Variants in FAM186A observed in about 807,000 individuals in gnomAD.
FAM186A encodes the protein protein FAM186A.
FAM186A carries 163 observed loss-of-function variants against 216.8 expected under a neutral mutation model. That is an observed-to-expected ratio of 0.75 (90% CI 0.66 to 0.86). The LOEUF (loss-of-function observed/expected upper bound fraction) is 0.86, where lower values mean the gene tolerates loss of function less well. FAM186A is among the 40% of genes least tolerant of loss of function. The pLI, the probability that FAM186A is intolerant of heterozygous loss-of-function variation, is 0.00. For synonymous variants in FAM186A, 805 were observed against 1,025.3 expected (o/e 0.79, Z 4.10); for missense variants, 2,184 against 2,746.2 (o/e 0.80, Z 4.58).
In FAM186A at chr12:50,363,345, C is replaced by T; in HGVS notation, c.212G>A (p.Ser71Asn). 6.4e-7 allele frequency: 1 copy of T among 1,550,566 alleles called. No homozygotes were observed. ...CCGATGCACATTGTTCATTATTTCA[C>T]TCAGCTGCATATCAATGTCCTGTCA... Reference protein sequence around the residue: ...RAREDIDMQLSEIMNNVHRIM... With the variant: ...RAREDIDMQLNEIMNNVHRIM... The change falls in exon 2 of 8, where the codon AGT becomes AAT. Residue 71 changes from serine to asparagine, a missense_variant. Transcript: ENST00000327337.
intron 4 of FAM186A, 76 bp from the exon 5 acceptor site, chr12:50,334,179 T>C (rs1942684996): frequency 1.5e-6 from 2 of 1,300,128 alleles, no homozygotes; most frequent in African/African-American, 1.5e-5. Context: ...CAGTTTCTTT[T>C]TTTTTTTTGA....
chr12:50,380,399 G>T (rs1943242694), intron 1 of FAM186A, among the ~76,000 whole-genome samples: 1 of 151,594 alleles, frequency 6.6e-6, no homozygotes, highest in African/African-American at 2.4e-5. Context: ...GTGTTGTTCG[G>T]GTGCGGTGGC....
intron 7 of FAM186A, among the ~76,000 whole-genome samples, chr12:50,329,899 C>T (rs1942640166): frequency 6.6e-6 from 1 of 152,148 alleles, no homozygotes; most frequent in South Asian, 2.1e-4. Context: ...CCTGGCCTAA[C>T]ACTACTTCTT....
chr12:50,344,437 G>C (rs1381331919), intron 4 of FAM186A, among the ~76,000 whole-genome samples: 1 of 152,234 alleles, frequency 6.6e-6, no homozygotes, highest in Admixed American at 6.6e-5. Context: ...TGCTGCAAAG[G>C]ACATGATTTT....
Position 50,355,552 on chromosome 12 carries a change from G to A in FAM186A, c.1280C>T (p.Ser427Phe). 6.4e-7 allele frequency: 1 copy of A among 1,551,566 alleles called. No homozygotes were observed. Among genetic ancestry groups the A allele is most frequent in the Non-Finnish European group, 8.7e-7 (1 of 1,146,970 alleles). Residue 427 changes from serine to phenylalanine, a missense_variant, in exon 4 of 8, where the codon TCT (serine) becomes TTT (phenylalanine). Ser to Phe is a radical substitution (Grantham distance 155). Coordinates refer to ENST00000327337, the MANE Select transcript of FAM186A (RefSeq NM_001145475.3). ...LTELRQQPVA[S>F]EDISEDSTKD... is the part of the protein sequence containing the mutation. ...AGTGCTGTCTTCGGAAATATCTTCA[G>A]AAGCAACAGGTTGCTGTCGTAGTTC...
Position 50,354,905 on chromosome 12 carries a change from GT to G in FAM186A, c.1926del (p.Leu643SerfsTer15). The G allele has an allele frequency of 1.3e-6, 2 of 1,550,678 alleles. No individual in the cohort carries two copies. Among genetic ancestry groups the G allele is most frequent in the Non-Finnish European group, 1.7e-6 (2 of 1,146,876 alleles). On this transcript the variant is annotated frameshift_variant, in exon 4 of 8. Coordinates refer to ENST00000327337, the MANE Select transcript of FAM186A (RefSeq NM_001145475.3). LOFTEE classifies it high-confidence loss of function. The part of the protein sequence containing the change: ...KQVKSHQLVK[S>X]LSRVAKETSE... ...GAAGTCTCTTTAGCCACTCTTGAGAGTGATTTAACAAGTTGATGAGACTTGA... is the reference window on the plus strand; with the variant it reads ...GAAGTCTCTTTAGCCACTCTTGAGAGGATTTAACAAGTTGATGAGACTTGA...
chr12:50,357,934 C>T (rs1230645279), intron 3 of FAM186A, among the ~76,000 whole-genome samples: 3 of 151,678 alleles, frequency 2.0e-5, no homozygotes, highest in African/African-American at 4.9e-5. Flanking sequence ...GTCGAGATCA[C>T]GCCACTGCAC....
intron 3 of FAM186A, among the ~76,000 whole-genome samples, chr12:50,360,240 T>C (rs2136096343): frequency 3.1e-5 from 1 of 32,644 alleles, no homozygotes; most frequent in East Asian, 9.7e-4. Context: ...TGATACCCTG[T>C]CTCAAAAAAA....
Position 50,331,654 on chromosome 12 carries a change from T to C in FAM186A, c.6848+16A>G. The C allele has an allele frequency of 6.6e-7, 1 of 1,526,388 alleles. No homozygotes were observed. Among genetic ancestry groups the C allele is most frequent in the Non-Finnish European group, 8.8e-7 (1 of 1,141,322 alleles). The allele number at this position is 1,526,388 out of a possible 1,614,324, so 94.6% of individuals were successfully genotyped here. On this transcript the variant is annotated intron_variant, in intron 6 of 7. Transcript: ENST00000327337. ...CATATCGTCCAAAGTTTAATATCAG[T>C]CTTTCTAGCACATACCTAAATTTCT...
rs1942907403 is a variant in FAM186A at position 50,352,558 on chromosome 12, G to A, written c.4274C>T (p.Pro1425Leu). Residue 1425 changes from proline (P) to leucine (L), a missense_variant, in exon 4 of 8, where the codon CCT becomes CTT. Transcript: ENST00000327337. ...GATCTCCTGAGCCTGTGCCTGCTGA[G>A]GGGTGAAAGGGATCCCCAATTCCTG... Reference protein sequence around the residue: ...QAQELGIPFTPQQAQAQEITL... With the variant: ...QAQELGIPFTLQQAQAQEITL... 2.1e-5 allele frequency: 31 copies of A among 1,483,112 alleles called. No individual in the cohort carries two copies. Among genetic ancestry groups the A allele is most frequent in the Non-Finnish European group, 2.8e-5 (31 of 1,106,978 alleles). 91.9% of individuals were successfully genotyped at this position (1,483,112 alleles called of 1,614,324 possible). A position where few individuals can be genotyped will look rare whatever the true frequency, so the allele number is the denominator to read the frequency against.
Position 50,396,295 on chromosome 12 carries a change from C to T in FAM186A, c.190G>A (p.Glu64Lys). 2.0e-6 allele frequency: 3 copies of T among 1,531,172 alleles called. No homozygotes were observed. The highest frequency in any genetic ancestry group is 1.4e-5 in the African/African-American group (1 of 72,490). The allele number at this position is 1,531,172 out of a possible 1,614,324, so 94.8% of individuals were successfully genotyped here. ...TAAACTTCAGATTCACTACCTACCTCTCTGGCTCGATGGAGCTGTGCGCGC... is the reference window on the plus strand; with the variant it reads ...TAAACTTCAGATTCACTACCTACCTTTCTGGCTCGATGGAGCTGTGCGCGC... ...IERAQLHRAREDIDMQLSEIM... is the reference protein window; with the variant it reads ...IERAQLHRARKDIDMQLSEIM... Residue 64 changes from glutamate to lysine, a missense_variant and splice_region_variant, in exon 1 of 8, where the codon GAG (glutamate) becomes AAG (lysine). Transcript: ENST00000327337.
chr12:50,327,492 G>A, intron 7 of FAM186A, 88 bp from the exon 8 acceptor site: 1 of 926,392 alleles, frequency 1.1e-6, no homozygotes, highest in Non-Finnish European at 1.6e-6. Flanking sequence ...GAAAATAAAA[G>A]TGCCTCCAGA....
Position 50,352,208 on chromosome 12 carries a change from G to A in FAM186A, c.4624C>T (p.Pro1542Ser), listed in dbSNP as rs771244670. The change falls in exon 4 of 8, where the codon CCT (proline) becomes TCT (serine). Residue 1542 changes from proline (P) to serine (S), a missense_variant. By Grantham distance (74) the Pro-to-Ser change is moderately conservative. Around this residue, in one of 7 missense-constraint regions of FAM186A, gnomAD observed 19 missense variants for 22.4 expected, o/e 0.85. Transcript: ENST00000327337. ...GCCTGGACCTGCTGAGGGGTGAGAG[G>A]GATCCCCAATTCCTGAGCCTGCGGA... ...IPPQAQELGIPLTPQQVQALG... is the reference protein window; with the variant it reads ...IPPQAQELGISLTPQQVQALG... 4.8e-4 allele frequency: 731 copies of A among 1,513,864 alleles called. 11 individuals are homozygous for A. Among genetic ancestry groups the A allele is most frequent in the Middle Eastern group, 1.2e-3 (7 of 5,830 alleles). 93.8% of individuals were successfully genotyped at this position (1,513,864 alleles called of 1,614,324 possible). A position where few individuals can be genotyped will look rare whatever the true frequency, so the allele number is the denominator to read the frequency against.
intron 4 of FAM186A, among the ~76,000 whole-genome samples, chr12:50,336,903 A>G (rs1942713758): frequency 6.6e-6 from 1 of 151,570 alleles, no homozygotes; most frequent in Admixed American, 6.6e-5. Flanking sequence ...GCGTATATAT[A>G]TATATTGCCT....
intron 1 of FAM186A, among the ~76,000 whole-genome samples, chr12:50,380,977 G>C: frequency 9.8e-3 from 1 of 102 alleles, no homozygotes; most frequent in Admixed American, 0.083. Flanking sequence ...GCATCTCCAG[G>C]CACAGGCACA....
At chr12:50,381,758 GAGAAC>G (rs1251362986) in intron 1 of FAM186A, among the ~76,000 whole-genome samples, 1 of 152,078 alleles carries the variant, frequency 6.6e-6, no homozygotes, top group Non-Finnish European at 1.5e-5. Context: ...ACAGGAGTTT[GAGAAC>G]AGCCTGGGCA....
At chr12:50,385,377 C>T (rs1281452859) in intron 1 of FAM186A, among the ~76,000 whole-genome samples, 3 of 140,140 alleles carry the variant, frequency 2.1e-5, no homozygotes, top group African/African-American at 8.1e-5. Flanking sequence ...GAGATTACGC[C>T]ATAGCACTCC....
rs780007153 is a variant in FAM186A, at chr12:50,351,085, G to A, written c.5747C>T (p.Pro1916Leu). 1 of 1,551,418 alleles carries A rather than the reference G, an allele frequency of 6.4e-7. No individual in the cohort carries two copies. The highest frequency in any genetic ancestry group is 1.4e-5 in the African/African-American group (1 of 73,034). The change falls in exon 4 of 8, where the codon CCT becomes CTT. Residue 1916 changes from proline to leucine, a missense_variant. Transcript: ENST00000327337. ...PGQHLATWTL[P>L]GRASSLWIPP... ...GATCCATAATGAAGAAGCTCGCCCA[G>A]GAAGGGTCCATGTTGCCAGATGCTG... is the stretch of plus-strand genomic sequence containing the variant.
intron 4 of FAM186A, among the ~76,000 whole-genome samples, chr12:50,340,292 G>A (rs1379281932): frequency 2.4e-4 from 37 of 152,252 alleles, no homozygotes; most frequent in Non-Finnish European, 1.9e-4. Flanking sequence ...TCATCTCTTT[G>A]TGTGACTGTC....
Sources: gnomAD v4.1 joint callset for allele counts (sites outside exome capture counted in the v4.1 genomes callset) on GRCh38, gnomAD v4.1.1 for gene constraint, gnomAD v4.1.1 regional missense constraint, MANE v1.5 for transcripts, NCBI Gene and HGNC (gene_info 2026-07-23, HGNC 2026-07-21) for gene names.